The following ARHGAP42 variants were observed in gnomAD, a reference collection of about 807,000 sequenced individuals.
ARHGAP42 encodes Rho GTPase activating protein 42.
Under a neutral mutation model 125.0 loss-of-function variants are expected in ARHGAP42, and 63 were observed. The ratio of observed to expected loss-of-function variants is 0.50; its 90% CI spans 0.41 to 0.62. The LOEUF is 0.62. Among genes scored for constraint, ARHGAP42 ranks in the 20% least tolerant of loss-of-function variants. The pLI, the probability that ARHGAP42 is intolerant of heterozygous loss-of-function variation, is 0.00. For synonymous variants in ARHGAP42, 339 were observed against 351.0 expected (o/e 0.97, Z 0.38); for missense variants, 766 against 1,024.2 (o/e 0.75, Z 3.44).
At chr11:100,811,513 T>C (rs1145427) in intron 3 of ARHGAP42, among the ~76,000 whole-genome samples, 2,599 of 151,842 alleles carry the variant, frequency 0.017, 82 homozygotes, top group African/African-American at 0.059. Flanking sequence ...CTTTTTTTTT[T>C]TTTTCTTTGG....
At chr11:100,698,076 A>G (rs1861317454) in intron 1 of ARHGAP42, among the ~76,000 whole-genome samples, 2 of 152,154 alleles carry the variant, frequency 1.3e-5, no homozygotes, top group South Asian at 4.2e-4. Flanking sequence ...TTATTTGTAG[A>G]GATAGGATCT....
intron 3 of ARHGAP42, among the ~76,000 whole-genome samples, chr11:100,836,027 CAA>C (rs1425775190): frequency 4.0e-5 from 6 of 151,790 alleles, no homozygotes; most frequent in Non-Finnish European, 8.8e-5. Flanking sequence ...AAAATCAAGA[CAA>C]AAATAGCAGG....
intron 1 of ARHGAP42, among the ~76,000 whole-genome samples, chr11:100,745,038 T>G (rs1218731547): frequency 1.3e-5 from 2 of 152,032 alleles, no homozygotes; most frequent in Non-Finnish European, 2.9e-5. Flanking sequence ...AGTGATGGGA[T>G]GAGTGGTTTG....
At chr11:100,769,102 G>C (rs1295835529) in intron 1 of ARHGAP42, among the ~76,000 whole-genome samples, 1 of 152,162 alleles carries the variant, frequency 6.6e-6, no homozygotes, top group Non-Finnish European at 1.5e-5. Context: ...TGGTAAGTAT[G>C]TATATCTAAA....
At chr11:100,794,241 T>G (rs1391900817) in intron 2 of ARHGAP42, among the ~76,000 whole-genome samples, 1 of 152,162 alleles carries the variant, frequency 6.6e-6, no homozygotes, top group East Asian at 1.9e-4. Context: ...AATTGCCATT[T>G]GGACCTATGC....
At chr11:100,894,522 C>G (rs1866295292) in intron 4 of ARHGAP42, among the ~76,000 whole-genome samples, 1 of 152,170 alleles carries the variant, frequency 6.6e-6, no homozygotes, top group South Asian at 2.1e-4. Flanking sequence ...AATTGAGATT[C>G]ATTAAGTTTG....
At position 100,869,743 on chromosome 11, in the gene ARHGAP42, A is replaced by T. The variant is rs565378916; in HGVS notation, c.384+10118A>T. Among the ~76,000 whole-genome samples, 8 of 152,324 alleles carry T rather than the reference A, an allele frequency of 5.3e-5. No homozygotes were observed. In the South Asian group the frequency reaches 1.7e-3, roughly 32 times the overall value. On this transcript the variant is annotated intron_variant, in intron 4 of 23. Coordinates refer to ENST00000298815, the MANE Select transcript of ARHGAP42 (RefSeq NM_152432.4). ...AATGTATGCATACCTCCATCCATGT[A>T]TAGATGATCATAGCTTTAAGTGGTT...
intron 4 of ARHGAP42, among the ~76,000 whole-genome samples, chr11:100,903,196 T>G (rs1027963383): frequency 8.0e-5 from 12 of 150,736 alleles, no homozygotes; most frequent in African/African-American, 2.7e-4. Context: ...GCAGTTTTCC[T>G]GAAAATTTGA....
At chr11:100,918,619 C>T (rs890364293) in intron 5 of ARHGAP42, among the ~76,000 whole-genome samples, 5 of 152,110 alleles carry the variant, frequency 3.3e-5, no homozygotes, top group Non-Finnish European at 7.4e-5. Context: ...GCTAGTGAGT[C>T]ATATGGTGAG....
Position 100,781,191 on chromosome 11 carries a change from C to G in ARHGAP42, c.250+10753C>G, listed in dbSNP as rs142413619. On this transcript the variant is annotated intron_variant, in intron 2 of 23. Transcript: ENST00000298815. ...GTTTTCTTGGTGTGGAGTAGTTTAC[C>G]TCTTTCTCTCTGGGAGCTGCATTTC... Among the ~76,000 whole-genome samples, 309 of 151,890 alleles carry G rather than the reference C, an allele frequency of 2.0e-3. 2 individuals carry two copies. The highest frequency in any genetic ancestry group is 7.0e-3 in the African/African-American group (292 of 41,428).
chr11:100,913,118 C>T (rs1866969245), intron 4 of ARHGAP42, among the ~76,000 whole-genome samples: 1 of 152,084 alleles, frequency 6.6e-6, no homozygotes, highest in South Asian at 2.1e-4. Context: ...TGTTAAGAGT[C>T]AATTATAGAG....
chr11:100,725,761 C>T (rs924241252), intron 1 of ARHGAP42, among the ~76,000 whole-genome samples: 55 of 151,974 alleles, frequency 3.6e-4, no homozygotes, highest in Admixed American at 2.9e-3. Flanking sequence ...CACAGTGAAA[C>T]CCCCTCTGTA....
chr11:100,900,590 G>C (rs1317719364), intron 4 of ARHGAP42, among the ~76,000 whole-genome samples: 2 of 151,994 alleles, frequency 1.3e-5, no homozygotes, highest in East Asian at 3.9e-4. Flanking sequence ...CATATTTCTT[G>C]GAGGCTTTGT....
chr11:100,702,741 G>A (rs1861418684), intron 1 of ARHGAP42, among the ~76,000 whole-genome samples: 2 of 150,188 alleles, frequency 1.3e-5, no homozygotes, highest in South Asian at 2.1e-4. Flanking sequence ...GCACGACCTC[G>A]GCTCACTGCA....
intron 1 of ARHGAP42, among the ~76,000 whole-genome samples, chr11:100,727,630 G>T (rs1437433596): frequency 6.6e-6 from 1 of 152,158 alleles, no homozygotes; most frequent in Non-Finnish European, 1.5e-5. Context: ...GAGGTTCCGG[G>T]AGCTTCCGGG....
intron 2 of ARHGAP42, among the ~76,000 whole-genome samples, chr11:100,787,384 G>A (rs1863462584): frequency 6.6e-6 from 1 of 152,122 alleles, no homozygotes; most frequent in African/African-American, 2.4e-5. Context: ...TAAGTTTCCT[G>A]AGTCCTCCCC....
At chr11:100,698,685 A>G (rs7125207) in intron 1 of ARHGAP42, among the ~76,000 whole-genome samples, 4,983 of 152,250 alleles carry the variant, frequency 0.033, 297 homozygotes, top group African/African-American at 0.11. Flanking sequence ...TCCGTTTAAA[A>G]AAAAGGGTCA....
chr11:100,770,290 C>T (rs374479223), intron 1 of ARHGAP42, 53 bp from the exon 2 acceptor site: 14 of 1,196,326 alleles, frequency 1.2e-5, no homozygotes, highest in South Asian at 3.2e-5. Flanking sequence ...GAAACTCATT[C>T]GGATTCAGTG....
intron 4 of ARHGAP42, among the ~76,000 whole-genome samples, chr11:100,864,648 G>A (rs896926119): frequency 6.6e-6 from 1 of 152,176 alleles, no homozygotes; most frequent in African/African-American, 2.4e-5. Context: ...GAAACAAACT[G>A]GGAAGAGACG....
Sources: gnomAD v4.1 joint callset for allele counts (sites outside exome capture counted in the v4.1 genomes callset) on GRCh38, gnomAD v4.1.1 for gene constraint, MANE v1.5 for transcripts, NCBI Gene and HGNC (gene_info 2026-07-23, HGNC 2026-07-21) for gene names.